The following MMUT variants were observed in gnomAD, a reference collection of about 807,000 sequenced individuals.
MMUT encodes methylmalonyl-CoA mutase.
A neutral mutation model predicts 79.9 loss-of-function variants in MMUT; 79 were observed. The ratio of observed to expected loss-of-function variants is 0.99; its 90% CI spans 0.82 to 1.19. The LOEUF is 1.19. Ranked by LOEUF, MMUT falls within the 50% of genes most tolerant of loss-of-function variation. MMUT has a pLI of 0.00. For synonymous variants in MMUT, 273 were observed against 295.7 expected, an observed-to-expected ratio of 0.92 and a Z score of 0.79; for missense variants, 860 against 917.2, an observed-to-expected ratio of 0.94 and a Z score of 0.81.
intron 11 of MMUT, among the ~76,000 whole-genome samples, chr6:49,439,155 A>C (rs1479470652): frequency 1.3e-5 from 2 of 152,138 alleles, no homozygotes; most frequent in East Asian, 3.9e-4. Flanking sequence ...TTGATGATGG[A>C]ATGCTGCTGT....
chr6:49,444,865 C>T, intron 8 of MMUT, 111 bp from the exon 9 acceptor site: 3 of 742,732 alleles, frequency 4.0e-6, no homozygotes, highest in Non-Finnish European at 4.5e-6. Flanking sequence ...ATAATCCTAA[C>T]TCCAAATTTA....
chr6:49,433,273 G>A (rs1028100678), intron 12 of MMUT, among the ~76,000 whole-genome samples: 1 of 152,168 alleles, frequency 6.6e-6, no homozygotes, highest in Non-Finnish European at 1.5e-5. Flanking sequence ...AAAATCCCAT[G>A]TACCATTTGT....
chr6:49,444,009 C>T (rs532743300), intron 9 of MMUT, among the ~76,000 whole-genome samples: 1 of 152,096 alleles, frequency 6.6e-6, no homozygotes, highest in Non-Finnish European at 1.5e-5. Flanking sequence ...CAATATCAGA[C>T]AAAGAGGAGG....
At chr6:49,462,932 T>A (rs979337613) in intron 1 of MMUT, among the ~76,000 whole-genome samples, 171 bp downstream of exon 1, 1 of 151,928 alleles carries the variant, frequency 6.6e-6, no homozygotes, top group Admixed American at 6.6e-5. Context: ...GAAGTGAAAA[T>A]CTAAACCTAA....
intron 6 of MMUT, 115 bp downstream of exon 6, chr6:49,451,351 G>A: frequency 8.4e-7 from 1 of 1,193,488 alleles, no homozygotes; most frequent in Non-Finnish European, 1.2e-6. Context: ...AAATCTGTAA[G>A]TGATTTGATT....
chr6:49,457,010 C>T (rs1333163350), intron 3 of MMUT, among the ~76,000 whole-genome samples: 2 of 152,126 alleles, frequency 1.3e-5, no homozygotes, highest in Non-Finnish European at 1.5e-5. Flanking sequence ...ACAATGCTTG[C>T]TAGAGTTTGG....
intron 8 of MMUT, among the ~76,000 whole-genome samples, chr6:49,445,422 A>G (rs978094509): frequency 6.6e-6 from 1 of 152,108 alleles, no homozygotes; most frequent in Admixed American, 6.6e-5. Flanking sequence ...TCAAGATGCC[A>G]CTAGTATTAT....
intron 8 of MMUT, among the ~76,000 whole-genome samples, chr6:49,446,260 A>G (rs1184446934): frequency 6.6e-6 from 1 of 151,958 alleles, no homozygotes; most frequent in Non-Finnish European, 1.5e-5. Context: ...TATTGTTAAA[A>G]CCATAGGTAA....
chr6:49,451,528 G>C lies in MMUT; in HGVS notation c.1270C>G (p.Pro424Ala), dbSNP rs373381232. 1 of 1,613,990 alleles carries C rather than the reference G, an allele frequency of 6.2e-7. No homozygotes were observed. The highest frequency in any genetic ancestry group is 1.3e-5 in the African/African-American group (1 of 75,014). ...EESGIPKVAD[P>A]WGGSYMMECL... ...TCCATCATGTAAGAACCTCCCCAAG[G>C]ATCAGCCACTTTGGGAATCCCAGAT... The change falls in exon 6 of 13, where the codon CCT becomes GCT. Residue 424 changes from proline to alanine, a missense_variant. Transcript: ENST00000274813.
chr6:49,450,417 A>G lies in MMUT; in HGVS notation c.1332+1049T>C, dbSNP rs189888858. Among the ~76,000 whole-genome samples, 584 of 152,170 alleles carry G rather than the reference A, an allele frequency of 3.8e-3. 1 individual carries two copies. Among genetic ancestry groups the G allele is most frequent in the Non-Finnish European group, 5.7e-3 (386 of 67,990 alleles). On this transcript the variant is annotated intron_variant, in intron 6 of 12. Coordinates refer to ENST00000274813, the MANE Select transcript of MMUT (RefSeq NM_000255.4). ...TATTTTTTAAAAAAAGGTGAGATGA[A>G]AAAGACCCAATAAAGGTTCAGTACC...
At chr6:49,458,089 T>A (rs1306501124) in intron 2 of MMUT, 31 bp from the exon 3 acceptor site, 5 of 1,594,958 alleles carry the variant, frequency 3.1e-6, no homozygotes, top group Non-Finnish European at 4.2e-6. Context: ...AATGTAAGAT[T>A]CAAGAGTCTG....
At chr6:49,433,493 A>G (rs1037996961) in intron 12 of MMUT, among the ~76,000 whole-genome samples, 2 of 152,214 alleles carry the variant, frequency 1.3e-5, no homozygotes, top group African/African-American at 4.8e-5. Context: ...ATTTCCAAAT[A>G]AAAATATATG....
chr6:49,459,744 T>C (rs1767793936), intron 1 of MMUT, among the ~76,000 whole-genome samples: 1 of 152,192 alleles, frequency 6.6e-6, no homozygotes, highest in East Asian at 1.9e-4. Context: ...TGACCAGTCT[T>C]ACTCCTTTTC....
intron 9 of MMUT, among the ~76,000 whole-genome samples, chr6:49,443,415 C>T (rs1044769519): frequency 6.6e-6 from 1 of 152,110 alleles, no homozygotes; most frequent in Non-Finnish European, 1.5e-5. Context: ...GTCCTTTTCA[C>T]ATCACTCACA....
In MMUT at chr6:49,431,402, T is replaced by A; in HGVS notation, c.*326A>T. The A allele has an allele frequency of 5.5e-6, 1 of 180,214 alleles. No homozygotes were observed. The highest frequency in any genetic ancestry group is 1.2e-4 in the South Asian group (1 of 8,204). 11.2% of individuals were successfully genotyped at this position (180,214 alleles called of 1,614,324 possible). ...TTTAGGTACAGTTTAATTCTTAATA[T>A]AAAAAGTAAACAGATTTATAAGAAA... On this transcript the variant is annotated 3_prime_UTR_variant, in exon 13 of 13. Transcript: ENST00000274813.
intron 10 of MMUT, 92 bp downstream of exon 10, chr6:49,441,748 T>C: frequency 7.7e-7 from 1 of 1,301,878 alleles, no homozygotes; most frequent in Admixed American, 2.1e-5. Context: ...ATTTTCTCAG[T>C]TGTATGTAAG....
chr6:49,441,733 C>T, intron 10 of MMUT, 107 bp downstream of exon 10: 1 of 951,904 alleles, frequency 1.1e-6, no homozygotes, highest in Non-Finnish European at 1.4e-6. Context: ...TTATAAAATT[C>T]AAAAATTTTC....
Position 49,441,856 on chromosome 6 carries a change from T to C in MMUT, c.1792A>G (p.Thr598Ala), listed in dbSNP as rs9473556. The stretch of plus-strand genomic sequence containing the variant: ...ACATATTACCTCTTGATAGCAGATG[T>C]TATCTCTTTACTTTCTCCAAATTCC... Reference protein sequence around the residue: ...RQEFGESKEITSAIKRVHKFM... With the variant: ...RQEFGESKEIASAIKRVHKFM... Residue 598 changes from threonine (T) to alanine (A), a missense_variant, in exon 10 of 13, where the codon ACA becomes GCA. Transcript: ENST00000274813. 34 of 1,611,776 alleles carry C rather than the reference T, an allele frequency of 2.1e-5. No homozygotes were observed. In the African/African-American group the frequency reaches 4.3e-4, roughly 20 times the overall value.
intron 11 of MMUT, among the ~76,000 whole-genome samples, chr6:49,436,162 T>C (rs1022899208): frequency 1.3e-5 from 2 of 152,168 alleles, no homozygotes; most frequent in Non-Finnish European, 2.9e-5. Context: ...ATGGAACGTT[T>C]ATACAGTGTT....
Sources: gnomAD v4.1 joint callset for allele counts (sites outside exome capture counted in the v4.1 genomes callset) on GRCh38, gnomAD v4.1.1 for gene constraint, MANE v1.5 for transcripts, NCBI Gene and HGNC (gene_info 2026-07-23, HGNC 2026-07-21) for gene names.